Variants in CHFR observed in about 807,000 individuals in gnomAD.
CHFR encodes the protein checkpoint with forkhead and ring finger domains.
Under a neutral mutation model 87.6 loss-of-function variants are expected in CHFR, and 57 were observed. The observed-to-expected ratio is 0.65, with a 90% CI of 0.53 to 0.81. The LOEUF (loss-of-function observed/expected upper bound fraction) is 0.81. CHFR is among the 30% of genes least tolerant of loss of function. The pLI is 0.00. For synonymous variants in CHFR, 381 were observed against 359.2 expected (o/e 1.06, Z -0.69); for missense variants, 797 against 865.8 (o/e 0.92, Z 1.00).
At chr12:132,847,780 C>A (rs926540746) in intron 14 of CHFR, 1 of 1,266,246 alleles carries the variant, frequency 7.9e-7, no homozygotes, top group Non-Finnish European at 1.0e-6. Context: ...CTTCAAGAAG[C>A]CCTCACCGAG....
At position 132,838,986 on chromosome 12, in the gene CHFR, T is replaced by C. The variant is rs573795105; in HGVS notation, c.*2568A>G. ...CCCAAGCTGTTCCGACTGCTCCAGG[T>C]AGAAATCCTCTTCACAGTGGGCCAG... On this transcript the variant is annotated 3_prime_UTR_variant, in exon 18 of 18. Coordinates refer to ENST00000450056, the MANE Select transcript of CHFR (RefSeq NM_001161346.2). The C allele has an allele frequency of 2.0e-5, 3 of 152,366 alleles. No homozygotes were observed. The East Asian group carries it at 5.8e-4, about 30-fold the overall frequency. The allele number at this position is 152,366 out of a possible 1,614,324, so 9.4% of individuals were successfully genotyped here. A position where few individuals can be genotyped will look rare whatever the true frequency, so the allele number is the denominator to read the frequency against.
At chr12:132,841,739 G>A in intron 17 of CHFR, 143 bp from the exon 18 acceptor site, 2 of 736,970 alleles carry the variant, frequency 2.7e-6, no homozygotes, top group South Asian at 3.1e-5. Context: ...AAGAGTGTGT[G>A]TGCTTCTCAC....
At chr12:132,868,557 G>A (rs917068673) in intron 6 of CHFR, among the ~76,000 whole-genome samples, 5 of 151,822 alleles carry the variant, frequency 3.3e-5, no homozygotes, top group Non-Finnish European at 7.4e-5. Context: ...GCAGGCACCT[G>A]TAGTCCCAGC....
chr12:132,884,630 C>T (rs1433367400), intron 2 of CHFR, among the ~76,000 whole-genome samples: 1 of 152,076 alleles, frequency 6.6e-6, no homozygotes, highest in East Asian at 1.9e-4. Context: ...TGTCACAGGG[C>T]TGGTGCCCTC....
At chr12:132,843,178 G>C in intron 16 of CHFR, 95 bp from the exon 17 acceptor site, 2 of 1,099,098 alleles carry the variant, frequency 1.8e-6, no homozygotes, top group South Asian at 2.6e-5. Context: ...CAGACGCTGC[G>C]GTGGAAACGC....
intron 2 of CHFR, among the ~76,000 whole-genome samples, chr12:132,880,834 G>T (rs146950693): frequency 2.6e-5 from 4 of 151,678 alleles, no homozygotes; most frequent in Admixed American, 2.6e-4. Context: ...GCATGGTGGC[G>T]GGCGCCTATA....
At chr12:132,847,152 G>C (rs762889948) in intron 14 of CHFR, 22 bp from the exon 15 acceptor site, 1 of 1,612,084 alleles carries the variant, frequency 6.2e-7, no homozygotes, top group African/African-American at 1.3e-5. Context: ...AAAAAGAGAG[G>C]AATAAGAAAT....
intron 3 of CHFR, among the ~76,000 whole-genome samples, 187 bp from the exon 4 acceptor site, chr12:132,872,581 A>G (rs936330128): frequency 6.6e-6 from 1 of 151,732 alleles, no homozygotes; most frequent in East Asian, 1.9e-4. Context: ...TGGCTCGCCC[A>G]CTTCTCCCTG....
chr12:132,851,765 C>G, intron 11 of CHFR, 28 bp from the exon 12 acceptor site: 2 of 1,594,902 alleles, frequency 1.3e-6, no homozygotes, highest in Non-Finnish European at 1.7e-6. Flanking sequence ...TCAGCCGGAG[C>G]ACGTGGGACC....
At position 132,859,149 on chromosome 12, in the gene CHFR, C is replaced by T. The variant is rs149862277; in HGVS notation, c.830G>A (p.Arg277Lys). 1,964 of 1,614,140 alleles carry T rather than the reference C, an allele frequency of 1.2e-3. 1 individual carries two copies. Among genetic ancestry groups the T allele is most frequent in the Non-Finnish European group, 1.5e-3 (1,813 of 1,180,002 alleles). Reference protein sequence around the residue: ...RNAQTVHEDVRAAAGKPDKME... With the variant: ...RNAQTVHEDVKAAAGKPDKME... ...CTTGTCTGGCTTCCCAGCCGCTGCT[C>T]TGACGTCCTCGTGGACGGTTTGGGC... is the stretch of plus-strand genomic sequence containing the variant. Residue 277 changes from arginine (R) to lysine (K), a missense_variant, in exon 8 of 18, where the codon AGA (arginine) becomes AAA (lysine). By Grantham distance (26) the Arg-to-Lys change is conservative. Transcript: ENST00000450056.
At chr12:132,878,844 A>AC (rs1164383346) in intron 2 of CHFR, among the ~76,000 whole-genome samples, 2 of 150,496 alleles carry the variant, frequency 1.3e-5, no homozygotes, top group Non-Finnish European at 3.0e-5. Flanking sequence ...AAAAAAAAAA[A>AC]CTCAGGGGCT....
intron 9 of CHFR, among the ~76,000 whole-genome samples, chr12:132,856,937 G>T (rs1418171177): frequency 6.8e-6 from 1 of 147,934 alleles, no homozygotes; most frequent in Non-Finnish European, 1.5e-5. Flanking sequence ...GCTGGTGGAG[G>T]GACCACCCTC....
intron 6 of CHFR, chr12:132,866,180 A>G (rs1289972849): frequency 1.3e-5 from 2 of 152,090 alleles, no homozygotes; most frequent in African/African-American, 4.8e-5. Flanking sequence ...ACTACATAGC[A>G]CTCACTCTCC....
chr12:132,840,466 A>G lies in CHFR; in HGVS notation c.*1088T>C, dbSNP rs1950687665. 1 of 152,696 alleles carries G rather than the reference A, an allele frequency of 6.5e-6. No homozygotes were observed. Among genetic ancestry groups the G allele is most frequent in the Non-Finnish European group, 1.5e-5 (1 of 68,048 alleles). 9.5% of individuals were successfully genotyped at this position (152,696 alleles called of 1,614,324 possible). On this transcript the variant is annotated 3_prime_UTR_variant, in exon 18 of 18. Transcript: ENST00000450056. ...GAGCAAGACAACAGTTGAAAACTGT[A>G]TTCCTGAGAAGAAGCAAAAAAGTTA...
chr12:132,877,660 A>T lies in CHFR; in HGVS notation c.134-6T>A. The T allele has an allele frequency of 6.2e-7, 1 of 1,601,640 alleles. No homozygotes were observed. The highest frequency in any genetic ancestry group is 1.1e-5 in the South Asian group (1 of 90,282). ...GGGGAAGGAAAGGTCGCAACCTAAA[A>T]AAGAGAGGGTGGGTCAACACGGGAT... On this transcript the variant is annotated splice_polypyrimidine_tract_variant and splice_region_variant and intron_variant, in intron 2 of 17. Coordinates refer to ENST00000450056, the MANE Select transcript of CHFR (RefSeq NM_001161346.2).
At chr12:132,872,579 C>T (rs1483566340) in intron 3 of CHFR, among the ~76,000 whole-genome samples, 185 bp from the exon 4 acceptor site, 1 of 152,086 alleles carries the variant, frequency 6.6e-6, no homozygotes, top group African/African-American at 2.4e-5. Flanking sequence ...AATGGCTCGC[C>T]CACTTCTCCC....
chr12:132,856,546 C>T lies in CHFR; in HGVS notation c.1151G>A (p.Arg384Gln), dbSNP rs201828860. The T allele has an allele frequency of 6.1e-5, 98 of 1,614,226 alleles. 1 individual carries two copies. In the East Asian group the frequency reaches 1.6e-3, roughly 26 times the overall value. Residue 384 changes from arginine to glutamine, a missense_variant, in exon 10 of 18, where the codon CGG (arginine) becomes CAG (glutamine). Physicochemically the swap from Arg to Gln is conservative, Grantham distance 43. Around this residue, in one of 2 missense-constraint regions of CHFR, gnomAD observed 597 missense variants for 601.2 expected, o/e 0.99. Coordinates refer to ENST00000450056, the MANE Select transcript of CHFR (RefSeq NM_001161346.2). ...ACTCCCTTCTTCATCAGAAAAAGAC[C>T]GCCTGACTTTGGGCTGCAGCATGTC... ...TQDMLQPKVR[R>Q]SFSDEEGSSE...
Position 132,832,414 on chromosome 12 carries a change from G to A in CHFR, c.*9140C>T, listed in dbSNP as rs1270164698. 1 of 152,082 alleles carries A rather than the reference G, an allele frequency of 6.6e-6. No individual in the cohort carries two copies. Among genetic ancestry groups the A allele is most frequent in the Non-Finnish European group, 1.5e-5 (1 of 68,018 alleles). The allele number at this position is 152,082 out of a possible 1,614,324, so 9.4% of individuals were successfully genotyped here. ...AGATCTAGTATTCCATAGCACAGGA[G>A]GGTGAATATAGTTAATAATAATGTA... On this transcript the variant is annotated 3_prime_UTR_variant, in exon 18 of 18. Coordinates refer to ENST00000450056, the MANE Select transcript of CHFR (RefSeq NM_001161346.2).
Position 132,836,749 on chromosome 12 carries a change from A to G in CHFR, c.*4805T>C, listed in dbSNP as rs1460698375. The G allele has an allele frequency of 8.8e-6, 4 of 455,956 alleles. No homozygotes were observed. The highest frequency in any genetic ancestry group is 1.8e-5 in the Non-Finnish European group (4 of 226,810). The allele number at this position is 455,956 out of a possible 1,614,324, so 28.2% of individuals were successfully genotyped here. On this transcript the variant is annotated 3_prime_UTR_variant, in exon 18 of 18. Coordinates refer to ENST00000450056, the MANE Select transcript of CHFR (RefSeq NM_001161346.2). ...ACCGTGAAAAGTGAGCGACAGAGGA[A>G]GGGGCGCCTGTTTGTGCCGCGGGAA...
Sources: gnomAD v4.1 joint callset for allele counts (sites outside exome capture counted in the v4.1 genomes callset) on GRCh38, gnomAD v4.1.1 for gene constraint, gnomAD v4.1.1 regional missense constraint, MANE v1.5 for transcripts, NCBI Gene and HGNC (gene_info 2026-07-23, HGNC 2026-07-21) for gene names.